Variants in CC2D1B observed in about 807,000 individuals in gnomAD.
The protein encoded by CC2D1B is coiled-coil and C2 domain containing 1B.
In CC2D1B, 92 loss-of-function variants were observed where a neutral mutation model predicts 110.8. The observed-to-expected ratio is 0.83, with a 90% confidence interval of 0.70 to 0.99. CC2D1B has a LOEUF of 0.99. Among genes scored for constraint, CC2D1B ranks in the 50% least tolerant of loss-of-function variants. The probability of loss-of-function intolerance (pLI) is 0.00; values close to 1 mark genes in which losing one functional copy is unlikely to be tolerated. For synonymous variants in CC2D1B, 406 were observed against 429.2 expected, an observed-to-expected ratio of 0.95 and a Z score of 0.67; for missense variants, 1,136 against 1,089.0, an observed-to-expected ratio of 1.04 and a Z score of -0.61.
Position 52,356,386 on chromosome 1 carries a change from G to A in CC2D1B, c.1935C>T (p.Thr645=), listed in dbSNP as rs770058737. Residue 645 remains threonine (T), a splice_region_variant and synonymous_variant, in exon 17 of 25, where the codon ACC becomes ACT. Transcript: ENST00000284376. ...FMHQGNVAET[T]RFEKLAQDRK... is the part of the protein sequence containing the mutation. ...CCAGCCCCAGCCCTTGCACTTACCGGGTGGTCTCAGCCACGTTGCCCTGGT... is the reference window on the plus strand; with the variant it reads ...CCAGCCCCAGCCCTTGCACTTACCGAGTGGTCTCAGCCACGTTGCCCTGGT... 1 of 1,614,152 alleles carries A rather than the reference G, an allele frequency of 6.2e-7. No homozygotes were observed. Among genetic ancestry groups the A allele is most frequent in the South Asian group, 1.1e-5 (1 of 91,080 alleles).
At position 52,359,879 on chromosome 1, in the gene CC2D1B, G is replaced by A; in HGVS notation, c.768C>T (p.Asn256=). 2 of 1,610,736 alleles carry A rather than the reference G, an allele frequency of 1.2e-6. No individual in the cohort carries two copies. The highest frequency in any genetic ancestry group is 8.5e-7 in the Non-Finnish European group (1 of 1,178,524). Residue 256 remains asparagine, a synonymous_variant, in exon 8 of 25, where the codon AAC becomes AAT. Coordinates refer to ENST00000284376, the MANE Select transcript of CC2D1B (RefSeq NM_001330585.2). ...PPAPPALESD[N]PSQPETSLPG... ...GGAGGCTGGTCTCAGGTTGGGAGGG[G>A]TTGTCTATAAGGAAACAAACAGTCC...
At chr1:52,362,817 G>C (rs1217118900) in intron 2 of CC2D1B, 71 bp from the exon 3 acceptor site, 2 of 1,535,148 alleles carry the variant, frequency 1.3e-6, no homozygotes, top group African/African-American at 1.4e-5. Context: ...AGCCAGACTT[G>C]GGGCTCTCCA....
rs1462986979 is a variant in CC2D1B, at chr1:52,362,651, G to A, written c.165C>T (p.Leu55=). The A allele has an allele frequency of 6.2e-7, 1 of 1,614,170 alleles. No individual in the cohort carries two copies. The highest frequency in any genetic ancestry group is 8.5e-7 in the Non-Finnish European group (1 of 1,180,034). Residue 55 remains leucine (L), a synonymous_variant, in exon 3 of 25, where the codon CTC becomes CTT. Coordinates refer to ENST00000284376, the MANE Select transcript of CC2D1B (RefSeq NM_001330585.2). ...TGCCTGTGGTTTGTGCTTCCCCTGT[G>A]AGAGCCAGCAGCTCAGCCTCCAGGT... is the stretch of plus-strand genomic sequence containing the variant. ...DEDLEAELLA[L]TGEAQTTGKK... is the part of the protein sequence containing the mutation.
chr1:52,357,895 C>T lies in CC2D1B; in HGVS notation c.1465G>A (p.Glu489Lys). Residue 489 changes from glutamate (E) to lysine (K), a missense_variant, in exon 14 of 25, where the codon GAG becomes AAG. Transcript: ENST00000284376. ...APADKDEDEG[E>K]PPAQAPVAKK... The stretch of plus-strand genomic sequence containing the variant: ...GCCACTGGGGCCTGTGCTGGGGGCT[C>T]ACCCTGCAGGTGCCCAGGAGGCTGT... 3.2e-6 allele frequency: 5 copies of T among 1,553,170 alleles called. No homozygotes were observed. The highest frequency in any genetic ancestry group is 4.3e-6 in the Non-Finnish European group (5 of 1,155,476).
rs536919659 is a variant in CC2D1B at position 52,360,216 on chromosome 1, T to C, written c.621A>G (p.Leu207=). ...TCTTTCTGCCTCTCCTCACAGAGGC[T>C]AGCTGCGACTCCAAGGTCTGAGGGA... ...ERGLKTLESQ[L]ASVRRGRKIN... Residue 207 remains leucine, a synonymous_variant, in exon 7 of 25, where the codon CTA becomes CTG. Transcript: ENST00000284376. The C allele has an allele frequency of 1.2e-6, 2 of 1,614,038 alleles. No homozygotes were observed. Among genetic ancestry groups the C allele is most frequent in the Admixed American group, 1.7e-5 (1 of 60,002 alleles).
chr1:52,359,684 G>A (rs770154458), intron 8 of CC2D1B, 21 bp downstream of exon 8: 11 of 1,572,820 alleles, frequency 7.0e-6, no homozygotes, highest in Admixed American at 1.9e-5. Context: ...GAGGGTGGGT[G>A]CCCTGAGCCA....
Position 52,356,066 on chromosome 1 carries a change from C to T in CC2D1B, c.2054+120G>A. 9 of 972,652 alleles carry T rather than the reference C, an allele frequency of 9.3e-6. No homozygotes were observed. In the South Asian group the frequency reaches 1.2e-4, roughly 13 times the overall value. 60.3% of individuals were successfully genotyped at this position (972,652 alleles called of 1,614,324 possible). Reference sequence around the variant, plus strand: ...TGCACCCTGTCGTCCTCAGCAGCCCCAGTGCCCACAGCGGGGCCAGGCTTG... The same window carrying T: ...TGCACCCTGTCGTCCTCAGCAGCCCTAGTGCCCACAGCGGGGCCAGGCTTG... On this transcript the variant is annotated intron_variant, in intron 18 of 24. Transcript: ENST00000284376.
chr1:52,358,473 AG>A lies in CC2D1B; in HGVS notation c.1331-13del. 2 of 1,613,300 alleles carry A rather than the reference AG, an allele frequency of 1.2e-6. No individual in the cohort carries two copies. The highest frequency in any genetic ancestry group is 1.7e-6 in the Non-Finnish European group (2 of 1,179,894). On this transcript the variant is annotated splice_polypyrimidine_tract_variant and intron_variant, in intron 12 of 24. Coordinates refer to ENST00000284376, the MANE Select transcript of CC2D1B (RefSeq NM_001330585.2). ...GATGGGGGGAAATCCTGTGGGAGAG[AG>A]ACAGCATGGGAGGGGCAGGGAGCAG...
At chr1:52,355,978 C>G (rs1569835304) in intron 18 of CC2D1B, 134 bp from the exon 19 acceptor site, 1 of 977,324 alleles carries the variant, frequency 1.0e-6, no homozygotes, top group South Asian at 1.4e-5. Flanking sequence ...AGACCTTGAT[C>G]TCTGACTTCT....
rs758070655 is a variant in CC2D1B at position 52,362,756 on chromosome 1, G to A, written c.70-10C>T. 1 of 1,613,936 alleles carries A rather than the reference G, an allele frequency of 6.2e-7. No homozygotes were observed. The highest frequency in any genetic ancestry group is 2.2e-5 in the East Asian group (1 of 44,872). ...CCATAAAGAGCCCCATCTGAGAGCA[G>A]AGCAGGACTCTTAGGAACCACACAA... is the stretch of plus-strand genomic sequence containing the variant. On this transcript the variant is annotated splice_polypyrimidine_tract_variant and intron_variant, in intron 2 of 24. Transcript: ENST00000284376.
At chr1:52,354,988 T>C (rs759948175) in intron 21 of CC2D1B, 49 bp from the exon 22 acceptor site, 4 of 1,490,524 alleles carry the variant, frequency 2.7e-6, no homozygotes, top group Middle Eastern at 1.7e-4. Flanking sequence ...CGGGATTTCC[T>C]GAGGAAGTGG....
intron 2 of CC2D1B, among the ~76,000 whole-genome samples, chr1:52,363,531 C>T (rs1224908040): frequency 6.6e-6 from 1 of 152,152 alleles, no homozygotes; most frequent in Non-Finnish European, 1.5e-5. Context: ...GCTACCATCG[C>T]CATCATCCAT....
rs767975647 is a variant in CC2D1B at position 52,360,205 on chromosome 1, C to G, written c.632G>C (p.Arg211Thr). The change falls in exon 7 of 25, where the codon AGG (arginine) becomes ACG (threonine). Residue 211 changes from arginine (R) to threonine (T), a missense_variant. Arg to Thr is a moderately conservative substitution (Grantham distance 71, BLOSUM62 -1). Transcript: ENST00000284376. ...KTLESQLASV[R>T]RGRKINEDEI... ...ATCCTCATTGATCTTTCTGCCTCTC[C>G]TCACAGAGGCTAGCTGCGACTCCAA... 6.2e-7 allele frequency: 1 copy of G among 1,614,124 alleles called. No individual in the cohort carries two copies. Among genetic ancestry groups the G allele is most frequent in the Non-Finnish European group, 8.5e-7 (1 of 1,180,024 alleles).
At chr1:52,356,358 A>T in intron 17 of CC2D1B, 26 bp downstream of exon 17, 1 of 1,614,082 alleles carries the variant, frequency 6.2e-7, no homozygotes, top group Non-Finnish European at 8.5e-7. Context: ...CCACCCTATG[A>T]GCCCAGCCCC....
At position 52,354,876 on chromosome 1, in the gene CC2D1B, T is replaced by C; in HGVS notation, c.2303A>G (p.Gln768Arg). The C allele has an allele frequency of 6.2e-7, 1 of 1,614,224 alleles. No individual in the cohort carries two copies. Among genetic ancestry groups the C allele is most frequent in the Non-Finnish European group, 8.5e-7 (1 of 1,180,036 alleles). The change falls in exon 22 of 25, where the codon CAG (glutamine) becomes CGG (arginine). Residue 768 changes from glutamine to arginine, a missense_variant. Physicochemically the swap from Gln to Arg is conservative, Grantham distance 43. Coordinates refer to ENST00000284376, the MANE Select transcript of CC2D1B (RefSeq NM_001330585.2). ...GATCTCAAACTTGATGCCTTTGCTC[T>C]GGATCACCCTCTTGAAGCCCCGGTG... Reference protein sequence around the residue: ...RNHRGFKRVIQSKGIKFEIFH... With the variant: ...RNHRGFKRVIRSKGIKFEIFH...
At chr1:52,356,956 A>C in intron 16 of CC2D1B, 45 bp downstream of exon 16, 2 of 1,526,034 alleles carry the variant, frequency 1.3e-6, no homozygotes, top group Admixed American at 2.2e-5. Flanking sequence ...CTCCACGGGG[A>C]GGCTGTGGGC....
At chr1:52,353,378 TCAGCC>T in intron 24 of CC2D1B, 135 bp downstream of exon 24, 1 of 1,514,928 alleles carries the variant, frequency 6.6e-7, no homozygotes, top group African/African-American at 1.4e-5. Flanking sequence ...CATCAGAAAC[TCAGCC>T]CATAAGCCCT....
At chr1:52,353,311 A>C in intron 24 of CC2D1B, 88 bp from the exon 25 acceptor site, 3 of 1,473,726 alleles carry the variant, frequency 2.0e-6, no homozygotes, top group Non-Finnish European at 2.7e-6. Context: ...AGATAGATAG[A>C]TAGATAGATA....
At position 52,361,072 on chromosome 1, in the gene CC2D1B, C is replaced by G. The variant is rs751435760; in HGVS notation, c.379G>C (p.Val127Leu). ...EETEPLDGDE[V>L]ADPGGSEEEN... Reference sequence around the variant, plus strand: ...TCCTCAGAGCCGCCTGGGTCAGCTACCTCATCACCATCCAGGGGCTCAGTC... The same window carrying G: ...TCCTCAGAGCCGCCTGGGTCAGCTAGCTCATCACCATCCAGGGGCTCAGTC... Residue 127 changes from valine (V) to leucine (L), a missense_variant, in exon 5 of 25, where the codon GTA becomes CTA. Val to Leu is a conservative substitution (Grantham distance 32, BLOSUM62 1). Transcript: ENST00000284376. 6.2e-7 allele frequency: 1 copy of G among 1,614,084 alleles called. No individual in the cohort carries two copies. Among genetic ancestry groups the G allele is most frequent in the Non-Finnish European group, 8.5e-7 (1 of 1,179,994 alleles).
Sources: allele counts gnomAD v4.1 joint callset (sites outside exome capture counted in the v4.1 genomes callset), GRCh38; gene constraint gnomAD v4.1.1; transcripts MANE v1.5; gene names NCBI Gene and HGNC (gene_info 2026-07-23, HGNC 2026-07-21).